Variants in HECW2 observed in about 807,000 individuals in gnomAD.
HECW2 encodes E3 ubiquitin-protein ligase HECW2.
Under a neutral mutation model 175.2 loss-of-function variants are expected in HECW2, and 61 were observed. That is an observed-to-expected ratio of 0.35 (90% confidence interval 0.28 to 0.43). The LOEUF is 0.43. HECW2 is among the 20% of genes least tolerant of loss of function. HECW2 has a pLI of 1.00. For missense variants in HECW2, 1,524 were observed against 2,000.5 expected, an observed-to-expected ratio of 0.76 and a Z score of 4.54; for synonymous variants, 671 against 731.0, an observed-to-expected ratio of 0.92 and a Z score of 1.32.
chr2:196,337,288 T>C (rs576566542), intron 3 of HECW2, among the ~76,000 whole-genome samples: 2 of 151,058 alleles, frequency 1.3e-5, no homozygotes, highest in South Asian at 4.2e-4. Context: ...GCACCTACAA[T>C]GTGTAACCTC....
At chr2:196,389,073 T>A (rs935341631) in intron 2 of HECW2, among the ~76,000 whole-genome samples, 2 of 152,236 alleles carry the variant, frequency 1.3e-5, no homozygotes, top group African/African-American at 4.8e-5. Flanking sequence ...ATACCAATTG[T>A]GACTGAAGTG....
At chr2:196,471,543 A>G (rs1489704232) in intron 1 of HECW2, among the ~76,000 whole-genome samples, 2 of 152,184 alleles carry the variant, frequency 1.3e-5, no homozygotes, top group Non-Finnish European at 2.9e-5. Flanking sequence ...CTACCCACAA[A>G]AGCAAAGACA....
intron 1 of HECW2, among the ~76,000 whole-genome samples, chr2:196,552,323 C>G (rs1689627486): frequency 6.6e-6 from 1 of 152,110 alleles, no homozygotes; most frequent in Admixed American, 6.6e-5. Flanking sequence ...ACAAAGTGAC[C>G]CTTAGGCCCT....
intron 1 of HECW2, among the ~76,000 whole-genome samples, chr2:196,486,329 T>A (rs901456652): frequency 1.3e-5 from 2 of 152,238 alleles, no homozygotes; most frequent in African/African-American, 4.8e-5. Flanking sequence ...GCTGCTTGCA[T>A]GTTTCCTAAC....
At chr2:196,224,147 C>T (rs546643578) in intron 23 of HECW2, among the ~76,000 whole-genome samples, 2 of 152,210 alleles carry the variant, frequency 1.3e-5, no homozygotes, top group East Asian at 1.9e-4. Flanking sequence ...TATTTGTCAT[C>T]GCTGTTTAAG....
At chr2:196,242,028 T>C (rs937277814) in intron 20 of HECW2, 56 bp downstream of exon 20, 16 of 1,551,616 alleles carry the variant, frequency 1.0e-5, no homozygotes, top group African/African-American at 9.5e-5. Flanking sequence ...GAGGCCCAAC[T>C]GTGCCCTCTC....
Position 196,444,224 on chromosome 2 carries a change from A to T in HECW2, c.-35-10766T>A, listed in dbSNP as rs532669889. ...GTAGTTAAGTTGGTAAACTATTGGT[A>T]AGTGAAATTCAAATATTTAAGAATT... On this transcript the variant is annotated intron_variant, in intron 1 of 28. Coordinates refer to ENST00000644978, the MANE Select transcript of HECW2 (RefSeq NM_001348768.2). 2.0e-5 allele frequency among the ~76,000 whole-genome samples: 3 copies of T among 152,344 alleles called. No individual in the cohort carries two copies. The East Asian group carries it at 5.8e-4, about 29-fold the overall frequency.
chr2:196,254,911 C>T (rs537619153), intron 18 of HECW2, among the ~76,000 whole-genome samples: 1 of 151,224 alleles, frequency 6.6e-6, no homozygotes, highest in East Asian at 1.9e-4. Context: ...AACCTTTATC[C>T]ATTTTTCTAT....
At chr2:196,437,799 G>T (rs904691948) in intron 1 of HECW2, among the ~76,000 whole-genome samples, 1 of 151,978 alleles carries the variant, frequency 6.6e-6, no homozygotes, top group African/African-American at 2.4e-5. Context: ...AAATGAAAGA[G>T]AGAGAGAGAA....
At chr2:196,377,634 G>A (rs941260056) in intron 2 of HECW2, among the ~76,000 whole-genome samples, 4 of 152,214 alleles carry the variant, frequency 2.6e-5, no homozygotes, top group African/African-American at 9.6e-5. Context: ...CGTGGGAACT[G>A]TGGGAGCCAC....
intron 25 of HECW2, 143 bp downstream of exon 25, chr2:196,220,652 A>G: frequency 1.2e-6 from 1 of 847,804 alleles, no homozygotes; most frequent in Non-Finnish European, 1.9e-6. Flanking sequence ...TTGAAACATA[A>G]GGGAAAAAAT....
At chr2:196,334,633 A>T in intron 3 of HECW2, 115 bp from the exon 4 acceptor site, 2 of 780,610 alleles carry the variant, frequency 2.6e-6, no homozygotes, top group Non-Finnish European at 4.2e-6. Flanking sequence ...ACTCTGAATG[A>T]CCTCTTTTTT....
intron 1 of HECW2, among the ~76,000 whole-genome samples, chr2:196,446,142 C>T (rs1696179033): frequency 1.3e-5 from 2 of 152,204 alleles, no homozygotes; most frequent in African/African-American, 4.8e-5. Context: ...CTTCCATGTT[C>T]ACACCGCTCC....
chr2:196,391,208 C>G (rs1362825379), intron 2 of HECW2, among the ~76,000 whole-genome samples: 1 of 152,168 alleles, frequency 6.6e-6, no homozygotes, highest in Admixed American at 6.5e-5. Context: ...CTCAACCTAG[C>G]TCTCTCCGTA....
intron 2 of HECW2, among the ~76,000 whole-genome samples, chr2:196,400,346 C>A (rs966151410): frequency 6.6e-6 from 1 of 151,988 alleles, no homozygotes; most frequent in Non-Finnish European, 1.5e-5. Context: ...TTCGTGTTGG[C>A]GGGGAAGGAG....
intron 14 of HECW2, 197 bp downstream of exon 14, chr2:196,292,368 C>A (rs1690633736): frequency 1.9e-6 from 1 of 514,668 alleles, no homozygotes; most frequent in African/African-American, 1.9e-5. Context: ...TCCCTCCGCT[C>A]CCTCCACGAC....
In HECW2 at chr2:196,224,074, A is replaced by G. The variant is rs78293494; in HGVS notation, c.4016+1698T>C. Among the ~76,000 whole-genome samples the G allele has an allele frequency of 8.7e-3, 1,332 of 152,270 alleles. 23 individuals carry two copies. Among genetic ancestry groups the G allele is most frequent in the African/African-American group, 0.031 (1,288 of 41,542 alleles). On this transcript the variant is annotated intron_variant, in intron 23 of 28. Coordinates refer to ENST00000644978, the MANE Select transcript of HECW2 (RefSeq NM_001348768.2). ...GAAAAAGTACCACAGGTGATTTGTG[A>G]ACTCTACCCTGGGAATGATGGGGTA...
At chr2:196,205,804 T>C (rs1687046603) in intron 28 of HECW2, among the ~76,000 whole-genome samples, 2 of 152,196 alleles carry the variant, frequency 1.3e-5, no homozygotes, top group South Asian at 4.1e-4. Flanking sequence ...GTCTCCACTA[T>C]TGGAGAGGCA....
chr2:196,520,294 T>C (rs1688312572), intron 1 of HECW2, among the ~76,000 whole-genome samples: 5 of 151,244 alleles, frequency 3.3e-5, no homozygotes, highest in South Asian at 2.1e-4. Context: ...CCAGTGAGCA[T>C]GGTAGACTGT....
Sources: allele counts gnomAD v4.1 joint callset (sites outside exome capture counted in the v4.1 genomes callset), GRCh38; gene constraint gnomAD v4.1.1; transcripts MANE v1.5; gene names NCBI Gene and HGNC (gene_info 2026-07-23, HGNC 2026-07-21).